Variants in CACNA1E observed in about 807,000 individuals in gnomAD.
CACNA1E encodes calcium voltage-gated channel subunit alpha1 E, also known as voltage-dependent R-type calcium channel subunit alpha-1E.
CACNA1E carries 40 observed loss-of-function variants against 259.2 expected under a neutral mutation model. The observed-to-expected ratio is 0.15, with a 90% CI of 0.12 to 0.20. The LOEUF (loss-of-function observed/expected upper bound fraction) is 0.20, where lower values mean the gene tolerates loss of function less well. Ranked by LOEUF, CACNA1E falls within the 10% of genes least tolerant of loss-of-function variation. The pLI is 1.00. For missense variants in CACNA1E, 1,874 were observed against 3,040.1 expected (o/e 0.62, Z 9.02); for synonymous variants, 1,104 against 1,138.5 (o/e 0.97, Z 0.61).
chr1:181,680,467 G>A (rs1018625788), intron 7 of CACNA1E, among the ~76,000 whole-genome samples: 6 of 152,272 alleles, frequency 3.9e-5, no homozygotes, highest in South Asian at 2.1e-4. Flanking sequence ...AGTGAGCAGC[G>A]TGTAGGCTGC....
intron 7 of CACNA1E, among the ~76,000 whole-genome samples, chr1:181,680,590 A>T (rs1649856613): frequency 6.6e-6 from 1 of 152,168 alleles, no homozygotes; most frequent in African/African-American, 2.4e-5. Context: ...TGCCTCCGGA[A>T]ACGAAGAGCC....
At chr1:181,620,899 G>T (rs1252675786) in intron 6 of CACNA1E, among the ~76,000 whole-genome samples, 1 of 152,058 alleles carries the variant, frequency 6.6e-6, no homozygotes, top group East Asian at 1.9e-4. Flanking sequence ...TGGTTGTGCA[G>T]GTTGTACATA....
At chr1:181,478,576 G>A (rs1040613490), upstream of CACNA1E, among the ~76,000 whole-genome samples, 2 of 152,184 alleles carry the variant, frequency 1.3e-5, no homozygotes, top group Non-Finnish European at 2.9e-5. Flanking sequence ...AAAGCTCAAC[G>A]GAGGAAAAAT....
intron 7 of CACNA1E, among the ~76,000 whole-genome samples, chr1:181,677,050 C>T (rs1049382723): frequency 3.3e-5 from 5 of 152,110 alleles, no homozygotes; most frequent in South Asian, 2.1e-4. Context: ...TAGAACTGGC[C>T]GGCCCTCCAG....
chr1:181,454,917 A>G (rs1395410497), intron 2 of CACNA1E, among the ~76,000 whole-genome samples: 1 of 152,246 alleles, frequency 6.6e-6, no homozygotes, highest in African/African-American at 2.4e-5. Flanking sequence ...AAAGCACTAT[A>G]TGATTAAATG....
intron 7 of CACNA1E, among the ~76,000 whole-genome samples, chr1:181,708,899 C>T (rs1368483166): frequency 6.6e-6 from 1 of 152,204 alleles, no homozygotes; most frequent in Middle Eastern, 3.4e-3. Flanking sequence ...GTGGTAAGAT[C>T]CAGTGAATGA....
At chr1:181,367,637 C>T (rs1654379255) in intron 1 of CACNA1E, among the ~76,000 whole-genome samples, 1 of 148,122 alleles carries the variant, frequency 6.8e-6, no homozygotes, top group Non-Finnish European at 1.5e-5. Flanking sequence ...TCAAATATAA[C>T]AAATTATTAC....
chr1:181,476,686 C>T (rs1662874177), intron 2 of CACNA1E, among the ~76,000 whole-genome samples: 1 of 152,184 alleles, frequency 6.6e-6, no homozygotes, highest in South Asian at 2.1e-4. Context: ...CGGCCTGAGC[C>T]CACCCGGGCT....
At chr1:181,385,473 G>A (rs534507529) in intron 1 of CACNA1E, among the ~76,000 whole-genome samples, 2 of 152,298 alleles carry the variant, frequency 1.3e-5, no homozygotes, top group African/African-American at 4.8e-5. Context: ...ACTGGGTTGG[G>A]GAGTGGAGGT....
chr1:181,498,084 C>T (rs777193371), intron 1 of CACNA1E, among the ~76,000 whole-genome samples: 7 of 152,192 alleles, frequency 4.6e-5, no homozygotes, highest in South Asian at 2.1e-4. Context: ...TTCTTTTTTC[C>T]GGTTCTCAGA....
chr1:181,596,248 G>C lies in CACNA1E; in HGVS notation c.951+15472G>C, dbSNP rs1653145457. 2.6e-5 allele frequency among the ~76,000 whole-genome samples: 4 copies of C among 152,242 alleles called. No homozygotes were observed. The South Asian group carries it at 8.3e-4, about 32-fold the overall frequency. On this transcript the variant is annotated intron_variant, in intron 6 of 47. Coordinates refer to ENST00000367573, the MANE Select transcript of CACNA1E (RefSeq NM_001205293.3). ...GGATCTTGAAGAGCTTTCTGTCTCA[G>C]GCTTTTGGGAAGCAGCCTCCTGTGG...
At chr1:181,461,891 T>C (rs974671580) in intron 2 of CACNA1E, among the ~76,000 whole-genome samples, 1 of 152,084 alleles carries the variant, frequency 6.6e-6, no homozygotes, top group African/African-American at 2.4e-5. Context: ...TCGTTAATAA[T>C]GGATAAATAT....
chr1:181,475,226 A>T (rs758768428), intron 2 of CACNA1E, among the ~76,000 whole-genome samples: 9 of 152,250 alleles, frequency 5.9e-5, no homozygotes, highest in Non-Finnish European at 1.3e-4. Flanking sequence ...CTCTAGGTAA[A>T]AGAACAAAGA....
chr1:181,388,805 C>T (rs1169900706), intron 1 of CACNA1E, among the ~76,000 whole-genome samples: 1 of 151,818 alleles, frequency 6.6e-6, no homozygotes, highest in Non-Finnish European at 1.5e-5. Flanking sequence ...GCAGGAGAAT[C>T]GCTTGAACTT....
At chr1:181,439,185 C>CA (rs1465198631) in intron 2 of CACNA1E, among the ~76,000 whole-genome samples, 1 of 152,040 alleles carries the variant, frequency 6.6e-6, no homozygotes, top group Non-Finnish European at 1.5e-5. Flanking sequence ...CCATGCTAGG[C>CA]AGGGGGTTGA....
intron 25 of CACNA1E, among the ~76,000 whole-genome samples, chr1:181,750,109 T>C (rs1244291129): frequency 6.6e-6 from 1 of 152,262 alleles, no homozygotes; most frequent in Admixed American, 6.5e-5. Flanking sequence ...GCATAGGAAA[T>C]GAAAGTAAAC....
At chr1:181,684,983 G>A (rs566276097) in intron 7 of CACNA1E, among the ~76,000 whole-genome samples, 3 of 151,512 alleles carry the variant, frequency 2.0e-5, no homozygotes, top group South Asian at 4.2e-4. Context: ...TATGGCTTTG[G>A]GGGGCTTAAT....
intron 18 of CACNA1E, among the ~76,000 whole-genome samples, chr1:181,727,775 A>G (rs955303709): frequency 1.3e-5 from 2 of 152,162 alleles, no homozygotes; most frequent in African/African-American, 4.8e-5. Context: ...GAGACCCCCA[A>G]GGGGGTAGAA....
At chr1:181,606,827 T>C (rs1052192104) in intron 6 of CACNA1E, among the ~76,000 whole-genome samples, 3 of 152,088 alleles carry the variant, frequency 2.0e-5, no homozygotes, top group African/African-American at 7.2e-5. Flanking sequence ...TGCATGAGGG[T>C]TTCTTCCTTC....
Sources: gnomAD v4.1 joint callset for allele counts (sites outside exome capture counted in the v4.1 genomes callset) on GRCh38, gnomAD v4.1.1 for gene constraint, MANE v1.5 for transcripts, NCBI Gene and HGNC (gene_info 2026-07-23, HGNC 2026-07-21) for gene names.